ROBO1: variants seen among roughly 807,000 people sequenced by gnomAD.
ROBO1 encodes roundabout homolog 1.
In ROBO1, 149 loss-of-function variants were observed where a neutral mutation model predicts 195.9. The observed-to-expected ratio is 0.76, with a 90% confidence interval of 0.67 to 0.87. The LOEUF (loss-of-function observed/expected upper bound fraction) is 0.87, where lower values mean the gene tolerates loss of function less well. Among genes scored for constraint, ROBO1 ranks in the 40% least tolerant of loss-of-function variants. The probability of loss-of-function intolerance (pLI) is 0.00; values close to 1 mark genes in which losing one functional copy is unlikely to be tolerated. For synonymous variants in ROBO1, 816 were observed against 733.2 expected (o/e 1.11, Z -1.82); for missense variants, 1,933 against 2,068.3 (o/e 0.93, Z 1.27).
At chr3:79,606,266 G>C (rs1372858221) in intron 1 of ROBO1, among the ~76,000 whole-genome samples, 1 of 151,910 alleles carries the variant, frequency 6.6e-6, no homozygotes, top group Non-Finnish European at 1.5e-5. Flanking sequence ...TATAACTACA[G>C]TCTTTTCTAA....
At chr3:79,666,291 A>G (rs1199767067) in intron 1 of ROBO1, among the ~76,000 whole-genome samples, 1 of 151,980 alleles carries the variant, frequency 6.6e-6, no homozygotes, top group East Asian at 1.9e-4. Flanking sequence ...AATGACAGCT[A>G]AACATTTACC....
intron 2 of ROBO1, among the ~76,000 whole-genome samples, chr3:79,247,794 T>C (rs2082651438): frequency 6.6e-6 from 1 of 152,104 alleles, no homozygotes; most frequent in Admixed American, 6.6e-5. Context: ...GAGAAAATAA[T>C]TTGTACAACA....
intron 18 of ROBO1, among the ~76,000 whole-genome samples, chr3:78,655,115 T>C (rs1706921420): frequency 6.6e-6 from 1 of 151,782 alleles, no homozygotes; most frequent in Non-Finnish European, 1.5e-5. Flanking sequence ...ATATAATCAT[T>C]GGTTTTTTTT....
intron 26 of ROBO1, among the ~76,000 whole-genome samples, chr3:78,621,993 G>A (rs1038971156): frequency 6.6e-6 from 1 of 152,056 alleles, no homozygotes; most frequent in Non-Finnish European, 1.5e-5. Flanking sequence ...ACAAGTAAAT[G>A]TTCATGTATT....
intron 2 of ROBO1, among the ~76,000 whole-genome samples, chr3:79,228,579 G>T (rs1337993114): frequency 6.6e-6 from 1 of 152,006 alleles, no homozygotes; most frequent in Admixed American, 6.6e-5. Flanking sequence ...ATGTATAAAG[G>T]CCACTGATTC....
chr3:79,156,404 C>T (rs2080858930), intron 2 of ROBO1, among the ~76,000 whole-genome samples: 1 of 151,662 alleles, frequency 6.6e-6, no homozygotes, highest in Non-Finnish European at 1.5e-5. Context: ...TACATTTATT[C>T]TGGTACCCCT....
intron 3 of ROBO1, among the ~76,000 whole-genome samples, chr3:79,062,400 G>A (rs1183127725): frequency 6.6e-6 from 1 of 152,110 alleles, no homozygotes. Context: ...ACCTTTGGTG[G>A]GAGTGTAAAT....
chr3:79,435,571 C>T (rs1205837743), intron 2 of ROBO1, among the ~76,000 whole-genome samples: 5 of 151,962 alleles, frequency 3.3e-5, no homozygotes, highest in East Asian at 1.9e-4. Flanking sequence ...GAGTCTATGT[C>T]GGAATTACCA....
At chr3:79,030,778 A>G (rs2108301514) in intron 3 of ROBO1, among the ~76,000 whole-genome samples, 1 of 152,144 alleles carries the variant, frequency 6.6e-6, no homozygotes, top group South Asian at 2.1e-4. Flanking sequence ...CTGGAGTGCA[A>G]TGGTGCAACC....
chr3:79,725,672 C>CTTCTCCAGT (rs771053448), intron 1 of ROBO1, among the ~76,000 whole-genome samples: 175 of 152,082 alleles, frequency 1.2e-3, no homozygotes, highest in South Asian at 3.1e-3. Flanking sequence ...CAAATCACCT[C>CTTCTCCAGT]TTCTCCAGTT....
chr3:79,353,037 C>G (rs1169402440), intron 2 of ROBO1, among the ~76,000 whole-genome samples: 1 of 152,120 alleles, frequency 6.6e-6, no homozygotes, highest in South Asian at 2.1e-4. Flanking sequence ...TCTTATAACA[C>G]TAACTCTTTA....
intron 2 of ROBO1, among the ~76,000 whole-genome samples, chr3:79,357,944 AT>A (rs2035621948): frequency 6.6e-6 from 1 of 152,128 alleles, no homozygotes. Flanking sequence ...GGGGGATAGC[AT>A]TTTACATACC....
At position 78,997,758 on chromosome 3, in the gene ROBO1, C is replaced by T. The variant is rs1559573647; in HGVS notation, c.173-58831G>A. Among the ~76,000 whole-genome samples, 3 of 152,070 alleles carry T rather than the reference C, an allele frequency of 2.0e-5. No homozygotes were observed. The South Asian group carries it at 6.2e-4, about 32-fold the overall frequency. ...TTGGGGAGGGGAGGATAAACATCCTCCTGAAGTGATGCTTGACCCGTCTTA... is the reference window on the plus strand; with the variant it reads ...TTGGGGAGGGGAGGATAAACATCCTTCTGAAGTGATGCTTGACCCGTCTTA... On this transcript the variant is annotated intron_variant, in intron 3 of 30. Transcript: ENST00000464233.
At chr3:79,083,255 T>C (rs1305183470) in intron 3 of ROBO1, among the ~76,000 whole-genome samples, 1 of 151,726 alleles carries the variant, frequency 6.6e-6, no homozygotes, top group Non-Finnish European at 1.5e-5. Context: ...ATAATGGACA[T>C]GAAGAAAAAA....
chr3:79,666,968 A>G (rs1177746184), intron 1 of ROBO1, among the ~76,000 whole-genome samples: 1 of 151,924 alleles, frequency 6.6e-6, no homozygotes, highest in East Asian at 1.9e-4. Flanking sequence ...TCTCTTTAAA[A>G]AGCTATTTTG....
intron 2 of ROBO1, among the ~76,000 whole-genome samples, chr3:79,446,080 G>T (rs565612434): frequency 4.6e-5 from 7 of 152,138 alleles, no homozygotes; most frequent in South Asian, 2.1e-4. Context: ...TTACAGACGT[G>T]AGTCACTGTG....
At chr3:79,238,483 C>T (rs1370245938) in intron 2 of ROBO1, among the ~76,000 whole-genome samples, 1 of 152,276 alleles carries the variant, frequency 6.6e-6, no homozygotes, top group Admixed American at 6.5e-5. Flanking sequence ...GTGGATACAA[C>T]TTTGGGTTCA....
At position 78,661,119 on chromosome 3, in the gene ROBO1, C is replaced by T. The variant is rs768244128; in HGVS notation, c.2231G>A (p.Gly744Glu). 6.2e-7 allele frequency: 1 copy of T among 1,613,728 alleles called. No homozygotes were observed. Among genetic ancestry groups the T allele is most frequent in the Admixed American group, 1.7e-5 (1 of 59,988 alleles). Reference sequence around the variant, plus strand: ...GCGAGCCTTAATTTCATAGTTGACTCCCTTTCTGAGATCAGGGATTACCAC... The same window carrying T: ...GCGAGCCTTAATTTCATAGTTGACTTCCTTTCTGAGATCAGGGATTACCAC... ...NSVVIPDLRK[G>E]VNYEIKARPF... Residue 744 changes from glycine to glutamate, a missense_variant, in exon 16 of 31, where the codon GGA becomes GAA. Coordinates refer to ENST00000464233, the MANE Select transcript of ROBO1 (RefSeq NM_002941.4).
intron 4 of ROBO1, among the ~76,000 whole-genome samples, chr3:78,765,831 G>A (rs896959943): frequency 3.9e-5 from 6 of 152,124 alleles, no homozygotes; most frequent in African/African-American, 1.2e-4. Context: ...AAATGTGTCC[G>A]AGTAAATTTA....
Sources: allele counts gnomAD v4.1 joint callset (sites outside exome capture counted in the v4.1 genomes callset), GRCh38; gene constraint gnomAD v4.1.1; transcripts MANE v1.5; gene names NCBI Gene and HGNC (gene_info 2026-07-23, HGNC 2026-07-21).